The following PRSS3 variants were observed in gnomAD, a reference collection of about 807,000 sequenced individuals.
PRSS3 encodes the protein serine protease 3, also known as trypsin-3.
In PRSS3, 14 loss-of-function variants were observed where a neutral mutation model predicts 20.8. The observed-to-expected ratio is 0.67, with a 90% CI of 0.44 to 1.05. The LOEUF (loss-of-function observed/expected upper bound fraction) is 1.05, where lower values mean the gene tolerates loss of function less well. Ranked by LOEUF, PRSS3 falls within the 50% of genes least tolerant of loss-of-function variation. PRSS3 has a pLI of 0.00. For synonymous variants in PRSS3, 91 were observed against 117.6 expected (o/e 0.77, Z 1.46); for missense variants, 237 against 306.4 (o/e 0.77, Z 1.69).
chr9:33,794,887 T>A, upstream of PRSS3: 1 of 1,550,590 alleles, frequency 6.4e-7, no homozygotes, highest in Non-Finnish European at 8.7e-7. Context: ...AGCTCCTACC[T>A]AACCTGTGTC....
upstream of PRSS3, chr9:33,795,443 C>A (rs1355774625): frequency 1.7e-6 from 2 of 1,149,404 alleles, no homozygotes; most frequent in African/African-American, 1.9e-5. Context: ...AAGACCCTGG[C>A]AAGGGGAAAG....
In PRSS3 at chr9:33,759,317, G is replaced by A. The variant is rs572139499; in HGVS notation, c.-53+8590G>A. On this transcript the variant is annotated intron_variant, in intron 1 of 5. Transcript: ENST00000342836. ...AGATATACACGGAAGGTGGATGACT[G>A]GCTGCGGGGTGGAAGAAGAATTCAT... Among the ~76,000 whole-genome samples, 29 of 152,280 alleles carry A rather than the reference G, an allele frequency of 1.9e-4. 1 individual carries two copies. Among genetic ancestry groups the A allele is most frequent in the African/African-American group, 6.5e-4 (27 of 41,550 alleles).
Position 33,796,724 on chromosome 9 carries a change from T to C in PRSS3, c.122T>C (p.Leu41Pro), listed in dbSNP as rs960935609. 3.7e-6 allele frequency: 6 copies of C among 1,613,914 alleles called. No individual in the cohort carries two copies. In the African/African-American group the frequency reaches 6.7e-5, roughly 18 times the overall value. Residue 41 changes from leucine (L) to proline (P), a missense_variant, in exon 2 of 5, where the codon CTG (leucine) becomes CCG (proline). Coordinates refer to ENST00000379405, the MANE Select transcript of PRSS3 (RefSeq NM_002771.4). ...AATTCTCTCCCCTACCAGGTGTCCC[T>C]GAATTCTGGCTCCCACTTCTGCGGT... is the stretch of plus-strand genomic sequence containing the variant. ...EENSLPYQVS[L>P]NSGSHFCGGS...
At chr9:33,794,627 T>C, upstream of PRSS3, 1 of 1,248,364 alleles carries the variant, frequency 8.0e-7, no homozygotes, top group South Asian at 1.7e-5. Context: ...GATTCTCAGA[T>C]CAGATGGTAA....
intron 1 of PRSS3, among the ~76,000 whole-genome samples, chr9:33,760,518 T>A (rs1041564303): frequency 9.2e-5 from 14 of 151,932 alleles, no homozygotes; most frequent in African/African-American, 2.7e-4. Flanking sequence ...AGGCCGACGC[T>A]GGTGGATCAT....
At chr9:33,770,157 A>G (rs1357057660) in intron 1 of PRSS3, among the ~76,000 whole-genome samples, 1 of 152,212 alleles carries the variant, frequency 6.6e-6, no homozygotes, top group Non-Finnish European at 1.5e-5. Flanking sequence ...TCAAAAAAAA[A>G]AAAAAATTGA....
At chr9:33,794,435 G>C (rs1824801094), upstream of PRSS3, among the ~76,000 whole-genome samples, 1 of 152,164 alleles carries the variant, frequency 6.6e-6, no homozygotes, top group Admixed American at 6.5e-5. Flanking sequence ...TTACACAACT[G>C]TGTCTTAGTA....
chr9:33,767,404 T>C (rs1448427292), intron 1 of PRSS3, among the ~76,000 whole-genome samples: 1 of 152,240 alleles, frequency 6.6e-6, no homozygotes, highest in Non-Finnish European at 1.5e-5. Flanking sequence ...TCCAAGTGTA[T>C]GTGATGAAGT....
At chr9:33,793,710 C>T (rs530546032), upstream of PRSS3, 8 of 975,450 alleles carry the variant, frequency 8.2e-6, no homozygotes, top group East Asian at 1.1e-4. Flanking sequence ...CCATGGCTTC[C>T]GTTGGCCTTA....
At chr9:33,779,866 C>CT (rs1824104155) in intron 1 of PRSS3, among the ~76,000 whole-genome samples, 1 of 18,272 alleles carries the variant, frequency 5.5e-5, no homozygotes, top group East Asian at 1.7e-3. Flanking sequence ...GAGACTCTGT[C>CT]TAAAAAAAAA....
At chr9:33,798,857 C>A in intron 4 of PRSS3, 171 bp from the exon 5 acceptor site, 1 of 1,057,690 alleles carries the variant, frequency 9.5e-7, no homozygotes, top group Non-Finnish European at 1.4e-6. Flanking sequence ...ATGAGGGAGG[C>A]TCCCTTGTGC....
At chr9:33,784,844 T>G (rs572842844) in intron 1 of PRSS3, among the ~76,000 whole-genome samples, 17 of 152,298 alleles carry the variant, frequency 1.1e-4, no homozygotes, top group Admixed American at 3.9e-4. Flanking sequence ...TTGATAGTGT[T>G]GATATTAACA....
At chr9:33,760,868 C>G (rs1301337843) in intron 1 of PRSS3, among the ~76,000 whole-genome samples, 6 of 151,538 alleles carry the variant, frequency 4.0e-5, no homozygotes, top group Non-Finnish European at 1.5e-5. Flanking sequence ...GGCCAGTGTT[C>G]TTGTTAGATA....
intron 1 of PRSS3, among the ~76,000 whole-genome samples, chr9:33,759,251 G>A (rs967379869): frequency 6.6e-6 from 1 of 152,178 alleles, no homozygotes; most frequent in African/African-American, 2.4e-5. Context: ...CAGGCTGCTG[G>A]TTAGCCAATG....
In PRSS3 at chr9:33,750,750, G is replaced by C. The variant is rs10971678; in HGVS notation, c.-53+23G>C. ...CAGGTCAGACGTCAGTACCCGCAGG[G>C]GGCTTGAAACTGGAGGAGGGCTCGA... On this transcript the variant is annotated intron_variant, in intron 1 of 5. Transcript: ENST00000342836. The surrounding 1 kb of genome is among the most constrained non-coding windows in gnomAD (Gnocchi z 4.8). The C allele has an allele frequency of 7.1e-7, 1 of 1,415,252 alleles. No homozygotes were observed. The highest frequency in any genetic ancestry group is 9.2e-7 in the Non-Finnish European group (1 of 1,088,902). The allele number at this position is 1,415,252 out of a possible 1,614,324, so 87.7% of individuals were successfully genotyped here. A position where few individuals can be genotyped will look rare whatever the true frequency, so the allele number is the denominator to read the frequency against.
intron 1 of PRSS3, among the ~76,000 whole-genome samples, chr9:33,784,958 T>C (rs779774534): frequency 2.6e-5 from 4 of 152,150 alleles, no homozygotes; most frequent in Non-Finnish European, 4.4e-5. Context: ...CTAGGTCTTA[T>C]CTGTAAAATT....
upstream of PRSS3, among the ~76,000 whole-genome samples, chr9:33,794,267 A>G (rs1824790397): frequency 6.6e-6 from 1 of 152,018 alleles, no homozygotes; most frequent in African/African-American, 2.4e-5. Context: ...TTAAACTTGA[A>G]CTCTGCTCAC....
At position 33,780,919 on chromosome 9, in the gene PRSS3, A is replaced by G. The variant is rs543730999; in HGVS notation, c.-52-13827A>G. ...CTTGGCCTATGAAAAGATTTAGACA[A>G]CCAGACGATAATAGTGGGAAATTTC... On this transcript the variant is annotated intron_variant, in intron 1 of 5. Transcript: ENST00000342836. 1.7e-4 allele frequency among the ~76,000 whole-genome samples: 26 copies of G among 152,316 alleles called. No homozygotes were observed. In the East Asian group the frequency reaches 4.8e-3, roughly 28 times the overall value.
chr9:33,770,533 C>A (rs1823640668), intron 1 of PRSS3, among the ~76,000 whole-genome samples: 1 of 152,104 alleles, frequency 6.6e-6, no homozygotes. Context: ...TATGCTCTCT[C>A]CAAATTCAAA....
Sources: gnomAD v4.1 joint callset for allele counts (sites outside exome capture counted in the v4.1 genomes callset) on GRCh38, gnomAD v4.1.1 for gene constraint, Gnocchi (gnomAD v3.1) non-coding constraint, MANE v1.5 for transcripts, NCBI Gene and HGNC (gene_info 2026-07-23, HGNC 2026-07-21) for gene names.